VPS13D: variants seen among roughly 807,000 people sequenced by gnomAD.
The protein encoded by VPS13D is vacuolar protein sorting 13 homolog D.
VPS13D carries 187 observed loss-of-function variants against 461.9 expected under a neutral mutation model. That is an observed-to-expected ratio of 0.40 (90% CI 0.36 to 0.46). The LOEUF (loss-of-function observed/expected upper bound fraction) is 0.46. Among genes scored for constraint, VPS13D ranks in the 20% least tolerant of loss-of-function variants. VPS13D has a pLI of 0.60. For synonymous variants in VPS13D, 1,951 were observed against 1,986.3 expected (o/e 0.98, Z 0.47); for missense variants, 4,711 against 5,364.9 (o/e 0.88, Z 3.81).
chr1:12,443,605 G>A (rs984255067), intron 65 of VPS13D, among the ~76,000 whole-genome samples: 1 of 151,294 alleles, frequency 6.6e-6, no homozygotes, highest in Non-Finnish European at 1.5e-5. Flanking sequence ...GCCTTTTCCT[G>A]TCTTTTTTGC....
At chr1:12,352,616 T>A (rs549015118) in intron 46 of VPS13D, among the ~76,000 whole-genome samples, 8 of 152,198 alleles carry the variant, frequency 5.3e-5, no homozygotes, top group Non-Finnish European at 1.2e-4. Context: ...AAGTAGCTAG[T>A]AGGAGTGTAA....
intron 61 of VPS13D, 69 bp downstream of exon 61, chr1:12,400,399 G>A (rs771603908): frequency 1.1e-5 from 18 of 1,576,246 alleles, no homozygotes; most frequent in Non-Finnish European, 1.5e-5. Flanking sequence ...TCACAGCCAA[G>A]TCTCAGAGCA....
intron 2 of VPS13D, among the ~76,000 whole-genome samples, chr1:12,241,522 G>GAA (rs1640373375): frequency 2.0e-5 from 3 of 152,166 alleles, no homozygotes; most frequent in Non-Finnish European, 4.4e-5. Flanking sequence ...CATTTTCAGT[G>GAA]GCCATCACAG....
chr1:12,493,683 C>T (rs1645918630), intron 67 of VPS13D, among the ~76,000 whole-genome samples: 1 of 152,192 alleles, frequency 6.6e-6, no homozygotes, highest in South Asian at 2.1e-4. Context: ...AAAACAGCGT[C>T]GTCACACAGT....
chr1:12,408,123 A>T (rs1177914200), intron 63 of VPS13D, among the ~76,000 whole-genome samples: 1 of 152,162 alleles, frequency 6.6e-6, no homozygotes, highest in African/African-American at 2.4e-5. Context: ...ACTCACCATG[A>T]GGTGGGGTGA....
At chr1:12,371,022 AATG>A (rs1431511017) in intron 54 of VPS13D, among the ~76,000 whole-genome samples, 1 of 152,250 alleles carries the variant, frequency 6.6e-6, no homozygotes, top group African/African-American at 2.4e-5. Context: ...GGAAGGAATA[AATG>A]ATGAGGAAGA....
At chr1:12,323,534 A>G (rs1299351350) in intron 34 of VPS13D, among the ~76,000 whole-genome samples, 172 bp from the exon 35 acceptor site, 3 of 152,112 alleles carry the variant, frequency 2.0e-5, no homozygotes, top group Non-Finnish European at 4.4e-5. Flanking sequence ...AGAGACTCAA[A>G]GATTTCAGGG....
Position 12,508,998 on chromosome 1 carries a change from C to G in VPS13D, c.13141C>G (p.Arg4381Gly), listed in dbSNP as rs753795620. Residue 4381 changes from arginine (R) to glycine (G), a missense_variant, in exon 70 of 70, where the codon CGA becomes GGA. By Grantham distance (125) the Arg-to-Gly change is moderately radical (BLOSUM62 -2). Coordinates refer to ENST00000620676, the MANE Select transcript of VPS13D (RefSeq NM_015378.4). ...GCTTATGTTAAGACTCAGCGAAAAC[C>G]GAGAGCAGCTGGAGCTGGACTCCTG... is the stretch of plus-strand genomic sequence containing the variant. ...QQLMLRLSEN[R>G]EQLELDS 1.9e-6 allele frequency: 3 copies of G among 1,614,134 alleles called. No individual in the cohort carries two copies. Among genetic ancestry groups the G allele is most frequent in the Non-Finnish European group, 2.5e-6 (3 of 1,180,006 alleles).
rs753181400 is a variant in VPS13D, at chr1:12,403,936, G to A, written c.11993G>A (p.Ser3998Asn). Reference sequence around the variant, plus strand: ...ATCAGCATTCCTCAGATCAAGCTAAGTGTGTTCACCTCCAACAAGCTCCCA... The same window carrying A: ...ATCAGCATTCCTCAGATCAAGCTAAATGTGTTCACCTCCAACAAGCTCCCA... Reference protein sequence around the residue: ...LKISIPQIKLSVFTSNKLPLD... With the variant: ...LKISIPQIKLNVFTSNKLPLD... The change falls in exon 63 of 70, where the codon AGT becomes AAT. Residue 3998 changes from serine to asparagine, a missense_variant. Ser to Asn is a conservative substitution (Grantham distance 46). Transcript: ENST00000620676. The A allele has an allele frequency of 1.9e-6, 3 of 1,611,822 alleles. No individual in the cohort carries two copies. Among genetic ancestry groups the A allele is most frequent in the South Asian group, 1.1e-5 (1 of 90,384 alleles).
chr1:12,405,526 G>C (rs1021181362), intron 63 of VPS13D, among the ~76,000 whole-genome samples: 1 of 152,186 alleles, frequency 6.6e-6, no homozygotes, highest in African/African-American at 2.4e-5. Context: ...GGGAGTGCTG[G>C]TGGGGACCTG....
intron 2 of VPS13D, among the ~76,000 whole-genome samples, chr1:12,242,177 G>A (rs915830197): frequency 4.6e-5 from 7 of 152,096 alleles, no homozygotes; most frequent in South Asian, 2.1e-4. Context: ...CTTCATCAGC[G>A]CCTAAGCTTC....
intron 46 of VPS13D, 149 bp from the exon 47 acceptor site, chr1:12,353,825 T>G: frequency 1.2e-6 from 1 of 809,934 alleles, no homozygotes; most frequent in Non-Finnish European, 1.9e-6. Flanking sequence ...TGTGCATTTA[T>G]ATCTTAATAA....
intron 52 of VPS13D, among the ~76,000 whole-genome samples, chr1:12,364,169 C>G (rs1643995603): frequency 6.6e-6 from 1 of 152,100 alleles, no homozygotes; most frequent in African/African-American, 2.4e-5. Context: ...CCCCCAAACT[C>G]TTTTCATCTT....
rs1646097710 is a variant in VPS13D, at chr1:12,505,809, G to T, written c.12795-1044G>T. Reference sequence around the variant, plus strand: ...GGGATGGGATCTAGAGAAGTTGGGAGAGCAGGTGTGCGTCCTGCACGGACC... The same window carrying T: ...GGGATGGGATCTAGAGAAGTTGGGATAGCAGGTGTGCGTCCTGCACGGACC... On this transcript the variant is annotated intron_variant, in intron 68 of 69. Transcript: ENST00000620676. The surrounding 1 kb of genome is among the most constrained non-coding windows in gnomAD (Gnocchi z 4.2). 6.6e-6 allele frequency among the ~76,000 whole-genome samples: 1 copy of T among 152,214 alleles called. No individual in the cohort carries two copies. The highest frequency in any genetic ancestry group is 2.1e-4 in the South Asian group (1 of 4,832).
chr1:12,338,419 G>A (rs1643497679), intron 40 of VPS13D, 114 bp downstream of exon 40: 1 of 846,160 alleles, frequency 1.2e-6, no homozygotes, highest in Non-Finnish European at 1.9e-6. Context: ...CATGTCGTGA[G>A]TACTTTAGTA....
At chr1:12,500,347 T>A in intron 68 of VPS13D, 1 of 546,054 alleles carries the variant, frequency 1.8e-6, no homozygotes, top group Non-Finnish European at 2.3e-6. Flanking sequence ...GGATCTGGAT[T>A]AAGATGATGT....
At chr1:12,259,085 A>G (rs1236447913) in intron 10 of VPS13D, among the ~76,000 whole-genome samples, 5 of 148,132 alleles carry the variant, frequency 3.4e-5, no homozygotes, top group Non-Finnish European at 7.4e-5. Context: ...TCTATTGCCT[A>G]GGCTGGAATA....
chr1:12,390,786 G>A (rs1644414424), intron 60 of VPS13D, among the ~76,000 whole-genome samples: 1 of 152,176 alleles, frequency 6.6e-6, no homozygotes, highest in Non-Finnish European at 1.5e-5. Flanking sequence ...TTGGGGAGTG[G>A]AAGTCCATGT....
At position 12,279,725 on chromosome 1, in the gene VPS13D, A is replaced by G. The variant is rs372428015; in HGVS notation, c.4602+75A>G. The G allele has an allele frequency of 8.1e-7, 1 of 1,238,284 alleles. No individual in the cohort carries two copies. 76.7% of individuals were successfully genotyped at this position (1,238,284 alleles called of 1,614,324 possible). On this transcript the variant is annotated intron_variant, in intron 20 of 69. Transcript: ENST00000620676. This position sits in a 1 kb window ranked among gnomAD's most constrained non-coding sequence, Gnocchi z 4.3. ...ATAAATATGATATATATTTATGTAT[A>G]TTACATGTTGGAAGGAATATATATT... is the stretch of plus-strand genomic sequence containing the variant.
Sources: gnomAD v4.1 joint callset for allele counts (sites outside exome capture counted in the v4.1 genomes callset) on GRCh38, gnomAD v4.1.1 for gene constraint, Gnocchi (gnomAD v3.1) non-coding constraint, MANE v1.5 for transcripts, NCBI Gene and HGNC (gene_info 2026-07-23, HGNC 2026-07-21) for gene names.